The following PTPRD variants were observed in gnomAD, a reference collection of about 807,000 sequenced individuals.
PTPRD encodes receptor-type tyrosine-protein phosphatase delta.
PTPRD carries 34 observed loss-of-function variants against 214.5 expected under a neutral mutation model. That is an observed-to-expected ratio of 0.16 (90% confidence interval 0.12 to 0.21). The LOEUF is 0.21. Ranked by LOEUF, PTPRD falls within the 10% of genes least tolerant of loss-of-function variation. The pLI is 1.00. For missense variants in PTPRD, 2,545 were observed against 2,398.7 expected, an observed-to-expected ratio of 1.06 and a Z score of -1.27; for synonymous variants, 1,128 against 845.7, an observed-to-expected ratio of 1.33 and a Z score of -5.79.
At chr9:10,370,072 A>G (rs2097581584) in intron 2 of PTPRD, among the ~76,000 whole-genome samples, 2 of 152,116 alleles carry the variant, frequency 1.3e-5, no homozygotes, top group East Asian at 1.9e-4. Flanking sequence ...GATCCAGTAC[A>G]TTGAATGAGG....
chr9:10,090,285 C>T (rs188070344), intron 3 of PTPRD, among the ~76,000 whole-genome samples: 6 of 151,564 alleles, frequency 4.0e-5, no homozygotes, highest in Non-Finnish European at 7.4e-5. Context: ...CTATCAAGAA[C>T]CTGAGACAAT....
At chr9:9,466,042 T>C (rs534341582) in intron 8 of PTPRD, among the ~76,000 whole-genome samples, 1 of 152,114 alleles carries the variant, frequency 6.6e-6, no homozygotes, top group Non-Finnish European at 1.5e-5. Flanking sequence ...GGTGTGATGG[T>C]TCACACCTAT....
intron 3 of PTPRD, among the ~76,000 whole-genome samples, chr9:10,121,631 G>T (rs1265172643): frequency 2.0e-5 from 3 of 152,186 alleles, no homozygotes; most frequent in Non-Finnish European, 4.4e-5. Context: ...TGCTGCTGTT[G>T]TCTCTGTCTA....
intron 23 of PTPRD, among the ~76,000 whole-genome samples, chr9:8,502,524 C>T (rs1188509609): frequency 2.0e-5 from 3 of 152,054 alleles, no homozygotes; most frequent in African/African-American, 7.2e-5. Context: ...CATAGGACAG[C>T]CTTGTAAATT....
At chr9:9,732,552 A>G (rs892860963) in intron 7 of PTPRD, among the ~76,000 whole-genome samples, 4 of 152,212 alleles carry the variant, frequency 2.6e-5, no homozygotes, top group African/African-American at 9.6e-5. Flanking sequence ...AGGAGGGTCC[A>G]GATCCAACTT....
At chr9:9,589,613 A>G (rs945543888) in intron 7 of PTPRD, among the ~76,000 whole-genome samples, 1 of 152,076 alleles carries the variant, frequency 6.6e-6, no homozygotes, top group African/African-American at 2.4e-5. Flanking sequence ...CAGTAATTAC[A>G]ATTAATATTC....
intron 5 of PTPRD, among the ~76,000 whole-genome samples, chr9:9,809,354 A>G (rs1598429150): frequency 7.5e-6 from 1 of 133,990 alleles, no homozygotes; most frequent in South Asian, 2.3e-4. Flanking sequence ...TGCAAGTTCC[A>G]CCTCTTGGGT....
intron 12 of PTPRD, among the ~76,000 whole-genome samples, chr9:8,699,758 T>C (rs2098028796): frequency 6.9e-6 from 1 of 145,884 alleles, no homozygotes; most frequent in Non-Finnish European, 1.5e-5. Context: ...GAAAGGCCAG[T>C]GCAACGCCCA....
At chr9:10,560,156 C>G (rs1054070948) in intron 2 of PTPRD, among the ~76,000 whole-genome samples, 1 of 152,130 alleles carries the variant, frequency 6.6e-6, no homozygotes, top group Non-Finnish European at 1.5e-5. Flanking sequence ...ATGGAACCAA[C>G]CCAAATGTCC....
intron 11 of PTPRD, among the ~76,000 whole-genome samples, chr9:8,877,525 G>A (rs1052427987): frequency 6.6e-6 from 1 of 152,082 alleles, no homozygotes; most frequent in Non-Finnish European, 1.5e-5. Flanking sequence ...ATATTTTAGT[G>A]AGCATATTAT....
chr9:9,913,401 A>G (rs554437558), intron 5 of PTPRD, among the ~76,000 whole-genome samples: 7 of 151,204 alleles, frequency 4.6e-5, no homozygotes, highest in Middle Eastern at 3.4e-3. Flanking sequence ...TCAAATAGGG[A>G]AAAAAAAACA....
At chr9:9,222,526 G>A (rs2099956791) in intron 9 of PTPRD, among the ~76,000 whole-genome samples, 1 of 151,856 alleles carries the variant, frequency 6.6e-6, no homozygotes, top group Non-Finnish European at 1.5e-5. Context: ...TAATATTTTG[G>A]CATAGTTCTA....
rs536019150 is a variant in PTPRD at position 8,956,598 on chromosome 9, A to T, written c.-104+62099T>A. Among the ~76,000 whole-genome samples, 7 of 151,916 alleles carry T rather than the reference A, an allele frequency of 4.6e-5. No homozygotes were observed. In the South Asian group the frequency reaches 1.5e-3, roughly 31 times the overall value. The stretch of plus-strand genomic sequence containing the variant: ...AACAACAGCACACTGCTTGTGCTGG[A>T]TTGTATTTTTAAAAGTCAGGATCAA... On this transcript the variant is annotated intron_variant, in intron 11 of 45. Coordinates refer to ENST00000381196, the MANE Select transcript of PTPRD (RefSeq NM_002839.4).
intron 8 of PTPRD, among the ~76,000 whole-genome samples, chr9:9,411,460 A>G (rs759352111): frequency 6.6e-6 from 1 of 152,134 alleles, no homozygotes; most frequent in Non-Finnish European, 1.5e-5. Context: ...CAATATCCAG[A>G]ACTGTCTAAA....
intron 3 of PTPRD, among the ~76,000 whole-genome samples, chr9:10,190,263 G>T (rs2099356831): frequency 6.6e-6 from 1 of 151,624 alleles, no homozygotes; most frequent in Non-Finnish European, 1.5e-5. Context: ...CTACTTGGGT[G>T]GCTGAGACAG....
chr9:10,038,648 G>A (rs758950644), intron 3 of PTPRD, among the ~76,000 whole-genome samples: 37 of 152,002 alleles, frequency 2.4e-4, no homozygotes, highest in Non-Finnish European at 5.0e-4. Flanking sequence ...TTAGAGTTGG[G>A]ACCTGAACAG....
At chr9:8,831,343 A>G (rs930651540) in intron 11 of PTPRD, among the ~76,000 whole-genome samples, 1 of 152,192 alleles carries the variant, frequency 6.6e-6, no homozygotes, top group Non-Finnish European at 1.5e-5. Context: ...ATTTAAAACA[A>G]TCTCGCTTAC....
At chr9:8,647,543 A>G (rs1264355148) in intron 12 of PTPRD, among the ~76,000 whole-genome samples, 2 of 152,192 alleles carry the variant, frequency 1.3e-5, no homozygotes, top group Non-Finnish European at 2.9e-5. Flanking sequence ...ATTGTTAAAC[A>G]TTTAGGTTGT....
intron 9 of PTPRD, among the ~76,000 whole-genome samples, chr9:9,307,504 C>A (rs940807862): frequency 6.6e-6 from 1 of 152,146 alleles, no homozygotes; most frequent in South Asian, 2.1e-4. Context: ...CTTTAGCTAT[C>A]TCTCATCCCT....
Sources: gnomAD v4.1 joint callset for allele counts (sites outside exome capture counted in the v4.1 genomes callset) on GRCh38, gnomAD v4.1.1 for gene constraint, MANE v1.5 for transcripts, NCBI Gene and HGNC (gene_info 2026-07-23, HGNC 2026-07-21) for gene names.